Variants in CYP19A1 observed in about 807,000 individuals in gnomAD.
The protein encoded by CYP19A1 is aromatase.
In CYP19A1, 32 loss-of-function variants were observed where a neutral mutation model predicts 44.4. The observed-to-expected ratio is 0.72, with a 90% confidence interval of 0.54 to 0.97. The LOEUF is 0.97. Ranked by LOEUF, CYP19A1 falls within the 50% of genes least tolerant of loss-of-function variation. CYP19A1 has a pLI of 0.00. For missense variants in CYP19A1, 598 were observed against 637.8 expected, an observed-to-expected ratio of 0.94 and a Z score of 0.67; for synonymous variants, 212 against 215.6, an observed-to-expected ratio of 0.98 and a Z score of 0.14.
chr15:51,210,843 T>A lies in CYP19A1; in HGVS notation c.1477A>T (p.Thr493Ser). The change falls in exon 10 of 10, where the codon ACC becomes TCC. Residue 493 changes from threonine to serine, a missense_variant. Coordinates refer to ENST00000396402, the MANE Select transcript of CYP19A1 (RefSeq NM_000103.4). ...AGACACCTGTCTGAGTTTCTTGGGG[T>A]AAAGATCATTTCCAGCATGTTTTTA... ...ETKNMLEMIF[T>S]PRNSDRCLEH 1.3e-6 allele frequency: 2 copies of A among 1,598,920 alleles called. No individual in the cohort carries two copies. Among genetic ancestry groups the A allele is most frequent in the Middle Eastern group, 1.7e-4 (1 of 6,040 alleles).
At chr15:51,266,803 G>T (rs950047655) in intron 1 of CYP19A1, among the ~76,000 whole-genome samples, 5 of 152,176 alleles carry the variant, frequency 3.3e-5, no homozygotes, top group Admixed American at 6.5e-5. Flanking sequence ...CCCTGGTCTG[G>T]TCTTCCCTTC....
At chr15:51,224,161 C>T (rs1424363485) in intron 4 of CYP19A1, among the ~76,000 whole-genome samples, 1 of 152,192 alleles carries the variant, frequency 6.6e-6, no homozygotes, top group African/African-American at 2.4e-5. Flanking sequence ...CGCCACCACC[C>T]TTCCCTACCT....
At chr15:51,237,790 G>A (rs28757170) in intron 2 of CYP19A1, among the ~76,000 whole-genome samples, 1 of 152,156 alleles carries the variant, frequency 6.6e-6, no homozygotes, top group Non-Finnish European at 1.5e-5. Context: ...TGGGGAATTT[G>A]GTGCTGCTTA....
intron 1 of CYP19A1, among the ~76,000 whole-genome samples, chr15:51,289,872 A>G (rs1217909913): frequency 6.6e-6 from 1 of 152,164 alleles, no homozygotes; most frequent in Non-Finnish European, 1.5e-5. Context: ...AACATCCTAC[A>G]CAGCATTCAT....
intron 1 of CYP19A1, among the ~76,000 whole-genome samples, chr15:51,329,216 A>T (rs2036661062): frequency 6.6e-6 from 1 of 152,110 alleles, no homozygotes; most frequent in African/African-American, 2.4e-5. Flanking sequence ...TGACTCTGGG[A>T]TGCCGAGCTC....
At chr15:51,327,191 TG>T (rs2036621209) in intron 1 of CYP19A1, among the ~76,000 whole-genome samples, 1 of 152,212 alleles carries the variant, frequency 6.6e-6, no homozygotes, top group South Asian at 2.1e-4. Context: ...GGCCAATGGG[TG>T]ATCCATGGTG....
chr15:51,305,769 C>T, intron 1 of CYP19A1, among the ~76,000 whole-genome samples: 1 of 152,144 alleles, frequency 6.6e-6, no homozygotes, highest in East Asian at 1.9e-4. Flanking sequence ...CTATGTTGGC[C>T]AGGCTGGTCT....
intron 1 of CYP19A1, among the ~76,000 whole-genome samples, chr15:51,296,875 A>G (rs998744789): frequency 2.0e-5 from 3 of 152,206 alleles, no homozygotes; most frequent in Non-Finnish European, 4.4e-5. Context: ...TAAAAAGACA[A>G]TTTTAAGAAA....
At chr15:51,213,918 A>C (rs2031296276) in intron 8 of CYP19A1, among the ~76,000 whole-genome samples, 1 of 152,124 alleles carries the variant, frequency 6.6e-6, no homozygotes. Context: ...GCTAGGAGGC[A>C]CTCAAGAAAA....
chr15:51,288,497 C>A (rs1032786108), intron 1 of CYP19A1, among the ~76,000 whole-genome samples: 1 of 152,198 alleles, frequency 6.6e-6, no homozygotes, highest in African/African-American at 2.4e-5. Flanking sequence ...CCTGCTTTAT[C>A]TAAGGGAGTT....
intron 1 of CYP19A1, among the ~76,000 whole-genome samples, chr15:51,269,997 A>T (rs1412121240): frequency 7.3e-6 from 1 of 137,372 alleles, no homozygotes; most frequent in Non-Finnish European, 1.7e-5. Flanking sequence ...ATTCTACCCC[A>T]AAAAGTCTGC....
intron 3 of CYP19A1, among the ~76,000 whole-genome samples, chr15:51,235,587 CA>C (rs1453384806): frequency 2.0e-5 from 3 of 152,076 alleles, no homozygotes. Flanking sequence ...AATCCCAGGT[CA>C]AAAAAATTCT....
chr15:51,284,015 A>G lies in CYP19A1; in HGVS notation c.-38-41065T>C, dbSNP rs368484366. ...CTATTACTTGGAAGGTCTAGTCTAA[A>G]TTTGAAAGGTGTTGCTGTGCATACA... On this transcript the variant is annotated intron_variant, in intron 1 of 9. Transcript: ENST00000396402. 5.3e-5 allele frequency among the ~76,000 whole-genome samples: 8 copies of G among 152,322 alleles called. No homozygotes were observed. In the South Asian group the frequency reaches 8.3e-4, roughly 16 times the overall value.
At chr15:51,319,008 G>A (rs142363713) in intron 1 of CYP19A1, 7 of 152,308 alleles carry the variant, frequency 4.6e-5, no homozygotes, top group East Asian at 1.9e-4. Context: ...AGCTGAAGAC[G>A]ACAGATGAAC....
At chr15:51,271,659 T>G (rs2035131800) in intron 1 of CYP19A1, among the ~76,000 whole-genome samples, 2 of 152,230 alleles carry the variant, frequency 1.3e-5, no homozygotes. Context: ...CCTTCTTCTC[T>G]TCTCCCATAT....
intron 1 of CYP19A1, among the ~76,000 whole-genome samples, chr15:51,307,526 A>G (rs551768875): frequency 6.6e-6 from 1 of 152,362 alleles, no homozygotes; most frequent in African/African-American, 2.4e-5. Flanking sequence ...TGTCTGGCAC[A>G]GAGCATGGTA....
intron 1 of CYP19A1, among the ~76,000 whole-genome samples, chr15:51,284,388 G>A (rs1006918197): frequency 2.4e-4 from 36 of 152,280 alleles, no homozygotes; most frequent in African/African-American, 7.5e-4. Flanking sequence ...TATCATTGGC[G>A]TAGGAACCGC....
intron 1 of CYP19A1, among the ~76,000 whole-genome samples, chr15:51,275,260 C>T (rs545337550): frequency 2.0e-5 from 3 of 152,350 alleles, no homozygotes; most frequent in African/African-American, 7.2e-5. Context: ...AATGAGCACC[C>T]ACCTCTGGCT....
chr15:51,242,788 TC>T lies in CYP19A1; in HGVS notation c.124del (p.Glu42ArgfsTer65). 1 of 1,576,252 alleles carries T rather than the reference TC, an allele frequency of 6.3e-7. No homozygotes were observed. Among genetic ancestry groups the T allele is most frequent in the Non-Finnish European group, 8.7e-7 (1 of 1,145,478 alleles). On this transcript the variant is annotated frameshift_variant, in exon 2 of 10. Transcript: ENST00000396402. LOFTEE classifies it high-confidence loss of function. ...CTTACCTGGTATTGAGGATGTGCCCTCATAATTCCACACCAAGAGAAAAAGG... is the reference window on the plus strand; with the variant it reads ...CTTACCTGGTATTGAGGATGTGCCCTATAATTCCACACCAAGAGAAAAAGG... Reference protein sequence around the residue: ...TGLFLLVWNYEGTSSIPGPGY... With the variant: ...TGLFLLVWNYXGTSSIPGPGY...
Sources: gnomAD v4.1 joint callset for allele counts (sites outside exome capture counted in the v4.1 genomes callset) on GRCh38, gnomAD v4.1.1 for gene constraint, MANE v1.5 for transcripts, NCBI Gene and HGNC (gene_info 2026-07-23, HGNC 2026-07-21) for gene names.